VPS51: variants seen among roughly 807,000 people sequenced by gnomAD.
VPS51 encodes the protein VPS51 subunit of GARP complex.
Under a neutral mutation model 65.1 loss-of-function variants are expected in VPS51, and 55 were observed. The ratio of observed to expected loss-of-function variants is 0.84; its 90% CI spans 0.68 to 1.06. The LOEUF is 1.06. Ranked by LOEUF, VPS51 falls within the 50% of genes least tolerant of loss-of-function variation. VPS51 has a pLI of 0.00. For missense variants in VPS51, 943 were observed against 1,101.6 expected (o/e 0.86, Z 2.04); for synonymous variants, 473 against 489.5 (o/e 0.97, Z 0.44).
Position 65,107,452 on chromosome 11 carries a change from T to C in VPS51, c.359-129T>C, listed in dbSNP as rs1348220529. The stretch of plus-strand genomic sequence containing the variant: ...TGTGACCCACGCCCTCGCAGTCCTT[T>C]CTCTGGAATCATCCATGCGCCCCTG... On this transcript the variant is annotated intron_variant, in intron 2 of 9. Transcript: ENST00000279281. The surrounding 1 kb of genome is among the most constrained non-coding windows in gnomAD (Gnocchi z 4.0). The C allele has an allele frequency of 2.5e-6, 3 of 1,192,442 alleles. No homozygotes were observed. The highest frequency in any genetic ancestry group is 3.5e-6 in the Non-Finnish European group (3 of 855,936). The allele number at this position is 1,192,442 out of a possible 1,614,324, so 73.9% of individuals were successfully genotyped here.
Position 65,111,563 on chromosome 11 carries a change from T to C in VPS51, c.2325T>C (p.Val775=), listed in dbSNP as rs2137197238. Residue 775 remains valine (V), a synonymous_variant, in exon 10 of 10, where the codon GTT becomes GTC. Transcript: ENST00000279281. ...PDPVPMEPSV[V]EVICERG ...CTGTGCCCATGGAGCCCAGTGTGGT[T>C]GAGGTCATCTGCGAGCGCGGCTAGG... 6.2e-7 allele frequency: 1 copy of C among 1,609,844 alleles called. No homozygotes were observed. Among genetic ancestry groups the C allele is most frequent in the East Asian group, 2.2e-5 (1 of 44,860 alleles).
chr11:65,110,656 G>T (rs1947889546), intron 8 of VPS51, 38 bp from the exon 9 acceptor site: 6 of 1,614,170 alleles, frequency 3.7e-6, no homozygotes, highest in Non-Finnish European at 5.1e-6. Flanking sequence ...GGGCGAGGGT[G>T]CAGGGCGGGC....
At chr11:65,111,274 C>A in intron 9 of VPS51, 53 bp from the exon 10 acceptor site, 1 of 1,597,554 alleles carries the variant, frequency 6.3e-7, no homozygotes, top group South Asian at 1.1e-5. Flanking sequence ...ACTTGGGTGT[C>A]CCCCACACAC....
intron 7 of VPS51, 193 bp from the exon 8 acceptor site, chr11:65,110,279 AGACCAACTCT>A: frequency 1.1e-6 from 1 of 891,796 alleles, no homozygotes; most frequent in South Asian, 1.6e-5. Context: ...ATTAGACCTC[AGACCAACTCT>A]TGTATCCTGC....
chr11:65,104,417 G>A (rs1484503974), intron 2 of VPS51, among the ~76,000 whole-genome samples: 4 of 152,046 alleles, frequency 2.6e-5, no homozygotes, highest in South Asian at 2.1e-4. Flanking sequence ...GCACTGCCTC[G>A]GTAAACATGA....
In VPS51 at chr11:65,110,583, C is replaced by T. The variant is rs749994347; in HGVS notation, c.1980C>T (p.Tyr660=). The T allele has an allele frequency of 4.3e-6, 7 of 1,614,054 alleles. No individual in the cohort carries two copies. The highest frequency in any genetic ancestry group is 1.7e-5 in the Admixed American group (1 of 60,030). Residue 660 remains tyrosine (Y), a synonymous_variant, in exon 8 of 10, where the codon TAC becomes TAT. Transcript: ENST00000279281. ...GCAGCTCTCGGCAGCAGGGCCGCTA[C>T]GCCCCCAGCTATACCCCCAGGTCTG... The part of the protein sequence containing the change: ...VYSSSRQQGR[Y]APSYTPSAPM...
Position 65,098,699 on chromosome 11 carries a change from A to G in VPS51, c.358+1572A>G, listed in dbSNP as rs187764131. The stretch of plus-strand genomic sequence containing the variant: ...TGAGTAGGCACCTTTCTGTTAGCTA[A>G]TACCAGCATCAAAATGGCAAGAAAT... On this transcript the variant is annotated intron_variant, in intron 2 of 9. Coordinates refer to ENST00000279281, the MANE Select transcript of VPS51 (RefSeq NM_013265.4). Among the ~76,000 whole-genome samples the G allele has an allele frequency of 1.1e-4, 17 of 152,338 alleles. No homozygotes were observed. In the East Asian group the frequency reaches 3.3e-3, roughly 29 times the overall value.
rs766859495 is a variant in VPS51 at position 65,108,266 on chromosome 11, G to A, written c.795G>A (p.Ala265=). Reference sequence around the variant, plus strand: ...TGCTGCTGGCCCTGGGCGAGCCTGCGGAGGAGCTGTGCGAGGAGTTCCTGG... The same window carrying A: ...TGCTGCTGGCCCTGGGCGAGCCTGCAGAGGAGCTGTGCGAGGAGTTCCTGG... The part of the protein sequence containing the change: ...VELLLALGEP[A]EELCEEFLAH... Residue 265 remains alanine, a synonymous_variant, in exon 5 of 10, where the codon GCG becomes GCA. Transcript: ENST00000279281. 3.1e-6 allele frequency: 5 copies of A among 1,599,300 alleles called. No homozygotes were observed. Among genetic ancestry groups the A allele is most frequent in the East Asian group, 2.3e-5 (1 of 44,266 alleles).
rs1947870483 is a variant in VPS51 at position 65,109,288 on chromosome 11, C to T, written c.1452C>T (p.Phe484=). Residue 484 remains phenylalanine, a synonymous_variant, in exon 6 of 10, where the codon TTC becomes TTT. Coordinates refer to ENST00000279281, the MANE Select transcript of VPS51 (RefSeq NM_013265.4). The part of the protein sequence containing the change: ...FSNKPYFRGE[F]CSQGVREGLI... ...GGCACCTTCTCTTGCAGGGTGAGTT[C>T]TGCAGTCAGGGTGTCCGTGAGGGCC... 6.2e-7 allele frequency: 1 copy of T among 1,611,180 alleles called. No homozygotes were observed. The highest frequency in any genetic ancestry group is 8.5e-7 in the Non-Finnish European group (1 of 1,178,626).
intron 7 of VPS51, 144 bp downstream of exon 7, chr11:65,110,067 T>G: frequency 1.1e-6 from 1 of 938,042 alleles, no homozygotes; most frequent in Non-Finnish European, 1.6e-6. Flanking sequence ...GGGCCAGTTC[T>G]GTAGCCAGGG....
At position 65,111,835 on chromosome 11, in the gene VPS51, G is replaced by A. The variant is rs935653927; in HGVS notation, c.*248G>A. 5.3e-6 allele frequency: 5 copies of A among 936,416 alleles called. No individual in the cohort carries two copies. The African/African-American group carries it at 6.6e-5, about 12-fold the overall frequency. The allele number at this position is 936,416 out of a possible 1,614,324, so 58.0% of individuals were successfully genotyped here. A position where few individuals can be genotyped will look rare whatever the true frequency, so the allele number is the denominator to read the frequency against. On this transcript the variant is annotated 3_prime_UTR_variant, in exon 10 of 10. Coordinates refer to ENST00000279281, the MANE Select transcript of VPS51 (RefSeq NM_013265.4). Reference sequence around the variant, plus strand: ...GCTGGGCCCAGCATGGGCAGGGGGCGGTTCCACTTAAAAACCCTGGGACGA... The same window carrying A: ...GCTGGGCCCAGCATGGGCAGGGGGCAGTTCCACTTAAAAACCCTGGGACGA...
intron 1 of VPS51, 29 bp downstream of exon 1, chr11:65,096,507 CGGGGA>C: frequency 2.8e-6 from 1 of 362,222 alleles, no homozygotes; most frequent in Non-Finnish European, 4.8e-6. Flanking sequence ...TGGGGGGGTG[CGGGGA>C]GGGGGGAAGG....
At chr11:65,104,804 C>T (rs1024037611) in intron 2 of VPS51, among the ~76,000 whole-genome samples, 1 of 152,172 alleles carries the variant, frequency 6.6e-6, no homozygotes, top group Admixed American at 6.5e-5. Context: ...GCAGTGTTTA[C>T]ACAGAGAATT....
chr11:65,111,037 T>G, intron 9 of VPS51: 1 of 674,606 alleles, frequency 1.5e-6, no homozygotes, highest in East Asian at 2.7e-5. Context: ...GCCCTTGTCC[T>G]TATCCCCACA....
At chr11:65,106,533 T>C (rs1324237582) in intron 2 of VPS51, among the ~76,000 whole-genome samples, 6 of 152,180 alleles carry the variant, frequency 3.9e-5, no homozygotes, top group South Asian at 4.1e-4. Flanking sequence ...GGGCGGATCA[T>C]GAGGTCAGGA....
chr11:65,108,973 T>C, intron 5 of VPS51, 59 bp downstream of exon 5: 8 of 1,575,754 alleles, frequency 5.1e-6, no homozygotes, highest in Non-Finnish European at 7.0e-6. Context: ...CAAAACCTTT[T>C]ATGCCAGTGC....
chr11:65,109,178 C>A, intron 5 of VPS51, 102 bp from the exon 6 acceptor site: 1 of 1,306,224 alleles, frequency 7.7e-7, no homozygotes, highest in Non-Finnish European at 1.1e-6. Flanking sequence ...GATGCTGTCC[C>A]TTGCAGAGGG....
At chr11:65,105,133 C>T (rs940350476) in intron 2 of VPS51, among the ~76,000 whole-genome samples, 1 of 152,132 alleles carries the variant, frequency 6.6e-6, no homozygotes, top group Admixed American at 6.5e-5. Context: ...GGCACGGTGG[C>T]TCCCGCCTGT....
At chr11:65,111,082 C>T (rs1413129557) in intron 9 of VPS51, 3 of 734,952 alleles carry the variant, frequency 4.1e-6, no homozygotes, top group Non-Finnish European at 7.1e-6. Context: ...TTTCTGTTCA[C>T]CCATGGTCCC....
Sources: gnomAD v4.1 joint callset for allele counts (sites outside exome capture counted in the v4.1 genomes callset) on GRCh38, gnomAD v4.1.1 for gene constraint, Gnocchi (gnomAD v3.1) non-coding constraint, MANE v1.5 for transcripts, NCBI Gene and HGNC (gene_info 2026-07-23, HGNC 2026-07-21) for gene names.